Variants in ARAP1 observed in about 807,000 individuals in gnomAD.
ARAP1 encodes the protein arf-GAP with Rho-GAP domain, ANK repeat and PH domain-containing protein 1.
ARAP1 carries 76 observed loss-of-function variants against 172.2 expected under a neutral mutation model. That is an observed-to-expected ratio of 0.44 (90% CI 0.37 to 0.53). The LOEUF is 0.53. Ranked by LOEUF, ARAP1 falls within the 20% of genes least tolerant of loss-of-function variation. The probability of loss-of-function intolerance (pLI) is 0.00; values close to 1 mark genes in which losing one functional copy is unlikely to be tolerated. For missense variants in ARAP1, 1,686 were observed against 1,977.5 expected (o/e 0.85, Z 2.80); for synonymous variants, 804 against 803.3 (o/e 1.00, Z -0.01).
intron 30 of ARAP1, among the ~76,000 whole-genome samples, chr11:72,691,339 T>G (rs1301505520): frequency 6.6e-6 from 1 of 151,948 alleles, no homozygotes; most frequent in Non-Finnish European, 1.5e-5. Context: ...CTTCCTTCCA[T>G]GCCCAGGGAT....
intron 3 of ARAP1, among the ~76,000 whole-genome samples, chr11:72,719,532 G>T (rs977265244): frequency 1.7e-4 from 26 of 152,168 alleles, no homozygotes; most frequent in African/African-American, 6.3e-4. Context: ...GTAAAGGAGG[G>T]CCACTTGCAC....
intron 12 of ARAP1, 96 bp downstream of exon 12, chr11:72,707,079 C>T: frequency 7.6e-7 from 1 of 1,313,134 alleles, no homozygotes; most frequent in Non-Finnish European, 1.0e-6. Context: ...TGAGTGCTGT[C>T]TCCGCTCCAG....
intron 4 of ARAP1, among the ~76,000 whole-genome samples, chr11:72,713,450 C>G (rs1412253935): frequency 2.0e-5 from 3 of 152,202 alleles, no homozygotes; most frequent in Non-Finnish European, 2.9e-5. Flanking sequence ...AGAGGAGAAG[C>G]TGGGACACCA....
rs775211740 is a variant in ARAP1, at chr11:72,699,042, G to A, written c.2504C>T (p.Ala835Val). The A allele has an allele frequency of 3.9e-5, 63 of 1,613,936 alleles. No individual in the cohort carries two copies. Among genetic ancestry groups the A allele is most frequent in the East Asian group, 3.1e-4 (14 of 44,862 alleles). ...ERLYLFGLES[A>V]EQAHEWVKCI... ...CTTGACCCACTCATGAGCCTGCTCC[G>A]CACTCTCCAGCCCAAACAGGTACAG... Residue 835 changes from alanine to valine, a missense_variant, in exon 18 of 35, where the codon GCG (alanine) becomes GTG (valine). Around this residue, in one of 5 missense-constraint regions of ARAP1, gnomAD observed 688 missense variants for 856.9 expected, o/e 0.80. Coordinates refer to ENST00000393609, the MANE Select transcript of ARAP1 (RefSeq NM_001040118.3). The surrounding 1 kb of genome is among the most constrained non-coding windows in gnomAD (Gnocchi z 4.2).
At position 72,741,183 on chromosome 11, in the gene ARAP1, C is replaced by T. The variant is rs1858186699; in HGVS notation, c.-127-8586G>A. On this transcript the variant is annotated intron_variant, in intron 1 of 34. Coordinates refer to ENST00000393609, the MANE Select transcript of ARAP1 (RefSeq NM_001040118.3). This position sits in a 1 kb window ranked among gnomAD's most constrained non-coding sequence, Gnocchi z 4.5. Reference sequence around the variant, plus strand: ...CCCCTGCCCTGCATCCACACTGCCCCCATTCAACCCAGGCCCCTCAGCTTG... The same window carrying T: ...CCCCTGCCCTGCATCCACACTGCCCTCATTCAACCCAGGCCCCTCAGCTTG... Among the ~76,000 whole-genome samples, 1 of 152,108 alleles carries T rather than the reference C, an allele frequency of 6.6e-6. No homozygotes were observed. Among genetic ancestry groups the T allele is most frequent in the African/African-American group, 2.4e-5 (1 of 41,418 alleles).
rs1306281404 is a variant in ARAP1 at position 72,725,379 on chromosome 11, A to G, written c.509+1241T>C. ...GGGTTGAAATAGAAAACGCTCCTGC[A>G]TGCAGAAGAATGGTCACTAGAGGGC... On this transcript the variant is annotated intron_variant, in intron 3 of 34. Transcript: ENST00000393609. The surrounding 1 kb of genome is among the most constrained non-coding windows in gnomAD (Gnocchi z 4.3). Among the ~76,000 whole-genome samples, 1 of 151,900 alleles carries G rather than the reference A, an allele frequency of 6.6e-6. No homozygotes were observed. The highest frequency in any genetic ancestry group is 1.9e-4 in the East Asian group (1 of 5,158).
Position 72,714,195 on chromosome 11 carries a change from G to A in ARAP1, c.636C>T (p.Pro212=), listed in dbSNP as rs981828723. The change falls in exon 4 of 35, where the codon CCC becomes CCT. Residue 212 remains proline (P), a synonymous_variant. Transcript: ENST00000393609. ...GTACCGGCTTTGGAGGTATCTCCGG[G>A]GGGCAGGGAGGTGGAGAGGGAGGCT... ...PPQPPSPPPC[P]PEIPPKPVRL... The A allele has an allele frequency of 3.3e-6, 5 of 1,517,912 alleles. No individual in the cohort carries two copies. The highest frequency in any genetic ancestry group is 1.9e-4 in the Middle Eastern group (1 of 5,378). The allele number at this position is 1,517,912 out of a possible 1,614,324, so 94.0% of individuals were successfully genotyped here. A position where few individuals can be genotyped will look rare whatever the true frequency, so the allele number is the denominator to read the frequency against.
chr11:72,716,097 C>T (rs765327059), intron 3 of ARAP1, among the ~76,000 whole-genome samples: 12 of 139,876 alleles, frequency 8.6e-5, no homozygotes, highest in Non-Finnish European at 1.7e-4. Flanking sequence ...AGCATGAACC[C>T]GGGAGGTGGA....
rs532971873 is a variant in ARAP1 at position 72,726,255 on chromosome 11, G to T, written c.509+365C>A. 2.0e-5 allele frequency among the ~76,000 whole-genome samples: 3 copies of T among 151,618 alleles called. No individual in the cohort carries two copies. The highest frequency in any genetic ancestry group is 4.4e-5 in the Non-Finnish European group (3 of 67,934). On this transcript the variant is annotated intron_variant, in intron 3 of 34. Transcript: ENST00000393609. The surrounding 1 kb of genome is among the most constrained non-coding windows in gnomAD (Gnocchi z 6.5). ...GCCTCTTGATGCCGGCATGGACCCCGATACCCTGCAGTATCTCACAGTTGC... is the reference window on the plus strand; with the variant it reads ...GCCTCTTGATGCCGGCATGGACCCCTATACCCTGCAGTATCTCACAGTTGC...
At position 72,697,907 on chromosome 11, in the gene ARAP1, G is replaced by A. The variant is rs182620346; in HGVS notation, c.2737+4C>T. The A allele has an allele frequency of 5.7e-6, 9 of 1,589,118 alleles. No individual in the cohort carries two copies. The East Asian group carries it at 1.4e-4, about 24-fold the overall frequency. On this transcript the variant is annotated splice_donor_region_variant and intron_variant, in intron 19 of 34. Transcript: ENST00000393609. ...GGCTGGGGGCCCAGGTCTGGTCCAC[G>A]CACAAAGCTCCTGCAGTTTCCGTAG...
intron 1 of ARAP1, among the ~76,000 whole-genome samples, chr11:72,733,763 C>T (rs1390752440): frequency 6.6e-6 from 1 of 152,216 alleles, no homozygotes; most frequent in Non-Finnish European, 1.5e-5. Context: ...CTTAAGCAAA[C>T]TCCATGATTA....
At chr11:72,717,378 C>A (rs572682525) in intron 3 of ARAP1, among the ~76,000 whole-genome samples, 112 of 152,266 alleles carry the variant, frequency 7.4e-4, no homozygotes, top group South Asian at 1.7e-3. Flanking sequence ...CAATGCCAAG[C>A]AGGATTGAGG....
intron 13 of ARAP1, chr11:72,705,417 C>T (rs528140844): frequency 4.6e-5 from 8 of 175,738 alleles, no homozygotes; most frequent in Middle Eastern, 2.4e-3. Context: ...CAGATTACAG[C>T]CCTGCCCAGG....
chr11:72,704,530 G>C (rs1216821468), intron 13 of ARAP1, 196 bp from the exon 14 acceptor site: 1 of 598,132 alleles, frequency 1.7e-6, no homozygotes, highest in African/African-American at 1.9e-5. Context: ...TGGGCTCTGA[G>C]CCTAGGTCTC....
At chr11:72,708,986 G>A (rs1222023576) in intron 11 of ARAP1, among the ~76,000 whole-genome samples, 3 of 149,662 alleles carry the variant, frequency 2.0e-5, no homozygotes, top group South Asian at 2.1e-4. Flanking sequence ...GCAGTGAGCC[G>A]AGATCGTGCC....
chr11:72,708,554 T>G (rs1856867453), intron 11 of ARAP1: 1 of 167,168 alleles, frequency 6.0e-6, no homozygotes, highest in Non-Finnish European at 1.3e-5. Flanking sequence ...GAACTTCAAA[T>G]GCAAGAAATG....
intron 13 of ARAP1, 196 bp from the exon 14 acceptor site, chr11:72,704,530 G>A (rs1216821468): frequency 1.7e-6 from 1 of 598,250 alleles, no homozygotes; most frequent in Non-Finnish European, 2.9e-6. Context: ...TGGGCTCTGA[G>A]CCTAGGTCTC....
intron 1 of ARAP1, among the ~76,000 whole-genome samples, chr11:72,742,187 G>A (rs182608160): frequency 6.4e-4 from 97 of 152,238 alleles, no homozygotes; most frequent in African/African-American, 2.0e-3. Flanking sequence ...AACAGCTAGG[G>A]AAGACTCCCT....
At chr11:72,715,063 T>C (rs989667625) in intron 3 of ARAP1, among the ~76,000 whole-genome samples, 3 of 152,262 alleles carry the variant, frequency 2.0e-5, no homozygotes, top group Non-Finnish European at 4.4e-5. Flanking sequence ...GGCTGTCTTC[T>C]GAAGGGCTGT....
Sources: allele counts gnomAD v4.1 joint callset (sites outside exome capture counted in the v4.1 genomes callset), GRCh38; gene constraint gnomAD v4.1.1; regional missense constraint gnomAD v4.1.1; non-coding constraint Gnocchi (gnomAD v3.1); transcripts MANE v1.5; gene names NCBI Gene and HGNC (gene_info 2026-07-23, HGNC 2026-07-21).